Variants in HSPE1 observed in about 807,000 individuals in gnomAD.
HSPE1 encodes the protein 10 kDa heat shock protein, mitochondrial.
HSPE1 carries 1 observed loss-of-function variant against 13.2 expected under a neutral mutation model. That is an observed-to-expected ratio of 0.08 (90% CI 0.03 to 0.36). The LOEUF (loss-of-function observed/expected upper bound fraction) is 0.36. Among genes scored for constraint, HSPE1 ranks in the 10% least tolerant of loss-of-function variants. The probability of loss-of-function intolerance (pLI) is 0.99; values close to 1 mark genes in which losing one functional copy is unlikely to be tolerated. For synonymous variants in HSPE1, 44 were observed against 42.0 expected (o/e 1.05, Z -0.19); for missense variants, 73 against 118.7 (o/e 0.62, Z 1.79).
chr2:197,502,349 C>G (rs1234060084), intron 2 of HSPE1, among the ~76,000 whole-genome samples: 1 of 152,202 alleles, frequency 6.6e-6, no homozygotes, highest in African/African-American at 2.4e-5. Flanking sequence ...GATTGCACAC[C>G]TCTGTTTTAG....
Position 197,503,339 on chromosome 2 carries a change from T to A in HSPE1, c.*80T>A. 1.1e-6 allele frequency: 1 copy of A among 891,432 alleles called. No homozygotes were observed. The highest frequency in any genetic ancestry group is 1.8e-6 in the Non-Finnish European group (1 of 560,566). 55.2% of individuals were successfully genotyped at this position (891,432 alleles called of 1,614,324 possible). On this transcript the variant is annotated 3_prime_UTR_variant, in exon 4 of 4. Transcript: ENST00000233893. ...CTGAAATCTTTCGTCATGTAAATAA[T>A]TTCCATATTTCTCTTTTATAATAAA...
chr2:197,500,734 T>C (rs1369695932), intron 1 of HSPE1: 1 of 589,588 alleles, frequency 1.7e-6, no homozygotes, highest in Admixed American at 3.0e-5. Context: ...TGGGTAAAAA[T>C]CATGGTGCCA....
chr2:197,501,544 C>T (rs1006927015), intron 2 of HSPE1: 2 of 210,972 alleles, frequency 9.5e-6, no homozygotes, highest in Admixed American at 5.7e-5. Flanking sequence ...GTGTGCGGAT[C>T]ACAAGGTCAG....
chr2:197,500,784 A>G, intron 1 of HSPE1: 2 of 579,098 alleles, frequency 3.5e-6, no homozygotes, highest in Non-Finnish European at 6.1e-6. Flanking sequence ...AAATTTCTGG[A>G]AAAACCTGAA....
In HSPE1 at chr2:197,501,869, C is replaced by T. The variant is rs151029789; in HGVS notation, c.168+631C>T. ...TTTTAATAAGACAAAAGAGGCTGTG[C>T]GTGGTGGCTCACACCTGTAATCCTT... On this transcript the variant is annotated intron_variant, in intron 2 of 3. Transcript: ENST00000233893. Among the ~76,000 whole-genome samples the T allele has an allele frequency of 1.8e-3, 278 of 151,826 alleles. 1 individual carries two copies. Among genetic ancestry groups the T allele is most frequent in the East Asian group, 2.9e-3 (15 of 5,166 alleles).
chr2:197,502,428 G>C lies in HSPE1; in HGVS notation c.169-611G>C, dbSNP rs559874032. 2.3e-3 allele frequency among the ~76,000 whole-genome samples: 350 copies of C among 152,252 alleles called. 1 individual carries two copies. The highest frequency in any genetic ancestry group is 8.0e-3 in the African/African-American group (332 of 41,558). On this transcript the variant is annotated intron_variant, in intron 2 of 3. Transcript: ENST00000233893. ...TCAGCCAAAATACACAGTAAACGCC[G>C]TTGGGGCCAAATAATGTTAACTGCA...
At position 197,500,445 on chromosome 2, in the gene HSPE1, T is replaced by C; in HGVS notation, c.3+6T>C. ...CTGAGGCGGAGGGAGTAATGGTGAG[T>C]CCCGCGTGGCCCCGAGGCCTGCAGG... On this transcript the variant is annotated splice_donor_region_variant and intron_variant, in intron 1 of 3. Transcript: ENST00000233893. The C allele has an allele frequency of 6.5e-7, 1 of 1,534,000 alleles. No individual in the cohort carries two copies. Among genetic ancestry groups the C allele is most frequent in the East Asian group, 2.5e-5 (1 of 40,504 alleles).
intron 2 of HSPE1, 79 bp downstream of exon 2, chr2:197,501,317 C>T (rs1291985941): frequency 2.8e-6 from 4 of 1,446,440 alleles, no homozygotes; most frequent in African/African-American, 2.9e-5. Flanking sequence ...TATTAAAAGT[C>T]GCTTATTAAG....
chr2:197,501,255 G>T lies in HSPE1; in HGVS notation c.168+17G>T, dbSNP rs2086250764. 1 of 1,596,858 alleles carries T rather than the reference G, an allele frequency of 6.3e-7. No individual in the cohort carries two copies. Among genetic ancestry groups the T allele is most frequent in the South Asian group, 1.1e-5 (1 of 89,328 alleles). On this transcript the variant is annotated intron_variant, in intron 2 of 3. Transcript: ENST00000233893. Reference sequence around the variant, plus strand: ...AAAGGAAAGGTAAATGGGAGCTGCAGTGGAACTATTTTTTATAGTGTGCAG... The same window carrying T: ...AAAGGAAAGGTAAATGGGAGCTGCATTGGAACTATTTTTTATAGTGTGCAG...
intron 2 of HSPE1, among the ~76,000 whole-genome samples, chr2:197,502,656 C>G (rs2086271473): frequency 6.6e-6 from 1 of 152,034 alleles, no homozygotes; most frequent in Non-Finnish European, 1.5e-5. Flanking sequence ...AAAATATGAC[C>G]ATTTGTATAT....
chr2:197,502,459 C>T (rs142309856), intron 2 of HSPE1, among the ~76,000 whole-genome samples: 1 of 152,140 alleles, frequency 6.6e-6, no homozygotes, highest in Non-Finnish European at 1.5e-5. Flanking sequence ...CTGCATTGTT[C>T]TAGTTGCTTC....
At chr2:197,500,825 A>C (rs1286586764) in intron 1 of HSPE1, 2 of 590,658 alleles carry the variant, frequency 3.4e-6, no homozygotes, top group East Asian at 2.8e-5. Context: ...GGAATAAACT[A>C]AGGTTGACCT....
chr2:197,500,582 C>A, intron 1 of HSPE1, 143 bp downstream of exon 1: 2 of 1,277,492 alleles, frequency 1.6e-6, no homozygotes, highest in Non-Finnish European at 2.2e-6. Flanking sequence ...CTTGGAGCGG[C>A]AAGGCCCGCC....
chr2:197,501,914 C>T (rs541048887), intron 2 of HSPE1, among the ~76,000 whole-genome samples: 7 of 152,110 alleles, frequency 4.6e-5, no homozygotes, highest in Non-Finnish European at 1.0e-4. Flanking sequence ...GAGGCCAAAG[C>T]AGGAGGATCG....
Position 197,500,387 on chromosome 2 carries a change from C to T in HSPE1, c.-50C>T, listed in dbSNP as rs768653555. On this transcript the variant is annotated 5_prime_UTR_variant, in exon 1 of 4. Transcript: ENST00000233893. ...GTCGCCAGGGCCGGACTGCGAGTCT[C>T]TTTGCGGCGCTACACTAGAGCAGAG... 4 of 1,588,370 alleles carry T rather than the reference C, an allele frequency of 2.5e-6. No individual in the cohort carries two copies. Among genetic ancestry groups the T allele is most frequent in the African/African-American group, 2.7e-5 (2 of 74,560 alleles).
In HSPE1 at chr2:197,500,385, C is replaced by T; in HGVS notation, c.-52C>T. 1 of 1,586,914 alleles carries T rather than the reference C, an allele frequency of 6.3e-7. No homozygotes were observed. The highest frequency in any genetic ancestry group is 8.6e-7 in the Non-Finnish European group (1 of 1,167,460). On this transcript the variant is annotated 5_prime_UTR_variant, in exon 1 of 4. Coordinates refer to ENST00000233893, the MANE Select transcript of HSPE1 (RefSeq NM_002157.3). ...GTGTCGCCAGGGCCGGACTGCGAGT[C>T]TCTTTGCGGCGCTACACTAGAGCAG...
In HSPE1 at chr2:197,501,349, G is replaced by A. The variant is rs901578072; in HGVS notation, c.168+111G>A. The A allele has an allele frequency of 8.1e-6, 10 of 1,227,890 alleles. 1 individual carries two copies. In the South Asian group the frequency reaches 1.7e-4, roughly 20 times the overall value. The allele number at this position is 1,227,890 out of a possible 1,614,324, so 76.1% of individuals were successfully genotyped here. A position where few individuals can be genotyped will look rare whatever the true frequency, so the allele number is the denominator to read the frequency against. ...TAAGTAGAGTTTATGTCGTTTTCAAGATCATTAACTGCTTTGGTTCTAATC... is the reference window on the plus strand; with the variant it reads ...TAAGTAGAGTTTATGTCGTTTTCAAAATCATTAACTGCTTTGGTTCTAATC... On this transcript the variant is annotated intron_variant, in intron 2 of 3. Coordinates refer to ENST00000233893, the MANE Select transcript of HSPE1 (RefSeq NM_002157.3).
intron 1 of HSPE1, 93 bp downstream of exon 1, chr2:197,500,532 A>G: frequency 4.0e-6 from 2 of 497,376 alleles, no homozygotes; most frequent in Non-Finnish European, 8.0e-6. Context: ...GCTGGGCGGG[A>G]GGGATTGGTG....
intron 2 of HSPE1, among the ~76,000 whole-genome samples, chr2:197,501,767 CAAAA>C (rs11371120): frequency 7.8e-6 from 1 of 128,374 alleles, no homozygotes; most frequent in South Asian, 2.6e-4. Flanking sequence ...GATTCTGTCT[CAAAA>C]AAAAAAAAAA....
Sources: allele counts gnomAD v4.1 joint callset (sites outside exome capture counted in the v4.1 genomes callset), GRCh38; gene constraint gnomAD v4.1.1; transcripts MANE v1.5; gene names NCBI Gene and HGNC (gene_info 2026-07-23, HGNC 2026-07-21).